The following TET2 variants were observed in gnomAD, a reference collection of about 807,000 sequenced individuals.
TET2 encodes methylcytosine dioxygenase TET2.
A neutral mutation model predicts 142.9 loss-of-function variants in TET2; 299 were observed. The ratio of observed to expected loss-of-function variants is 2.09; its 90% CI spans 1.90 to 2.30. TET2 has a LOEUF of 2.30. Ranked by LOEUF, TET2 falls within the 30% of genes most tolerant of loss-of-function variation. The probability of loss-of-function intolerance (pLI) is 0.00; values close to 1 mark genes in which losing one functional copy is unlikely to be tolerated. For missense variants in TET2, 2,418 were observed against 2,378.0 expected (o/e 1.02, Z -0.35); for synonymous variants, 819 against 849.0 (o/e 0.96, Z 0.61).
In TET2 at chr4:105,166,408, TTCA is replaced by T. The variant is rs1220487297; in HGVS notation, c.-193+19434_-193+19436del. Among the ~76,000 whole-genome samples the T allele has an allele frequency of 2.6e-5, 4 of 152,082 alleles. No homozygotes were observed. The East Asian group carries it at 5.8e-4, about 22-fold the overall frequency. On this transcript the variant is annotated intron_variant, in intron 1 of 10. Transcript: ENST00000380013. ...TATTCTTGTTGACAGAAGAAACATT[TTCA>T]TCATATCACAATTTTTTTTCAGATT...
rs1169754208 is a variant in TET2 at position 105,236,089 on chromosome 4, C to T, written c.2147C>T (p.Ser716Leu). ...QASETEPFSN[S>L]HLLQHKPHKQ... ...TCAGAGACTGAGCCATTTTCAAACT[C>T]ACACCTTTTGCAACATAAGCCTCAT... Residue 716 changes from serine to leucine, a missense_variant, in exon 3 of 11, where the codon TCA (serine) becomes TTA (leucine). Coordinates refer to ENST00000380013, the MANE Select transcript of TET2 (RefSeq NM_001127208.3). 1.2e-6 allele frequency: 2 copies of T among 1,614,126 alleles called. No homozygotes were observed. The highest frequency in any genetic ancestry group is 1.7e-6 in the Non-Finnish European group (2 of 1,179,998).
In TET2 at chr4:105,234,117, A is replaced by G. The variant is rs1382166160; in HGVS notation, c.175A>G (p.Ser59Gly). 6.2e-7 allele frequency: 1 copy of G among 1,614,050 alleles called. No individual in the cohort carries two copies. The highest frequency in any genetic ancestry group is 8.5e-7 in the Non-Finnish European group (1 of 1,180,032). The change falls in exon 3 of 11, where the codon AGT (serine) becomes GGT (glycine). Residue 59 changes from serine to glycine, a missense_variant. By Grantham distance (56) the Ser-to-Gly change is moderately conservative. Coordinates refer to ENST00000380013, the MANE Select transcript of TET2 (RefSeq NM_001127208.3). ...NGDTKWHSFK[S>G]YYGIPCMKGS... ...AGACACCAAGTGGCACTCTTTCAAA[A>G]GTTATTATGGAATACCCTGTATGAA...
chr4:105,156,883 CTGTT>C lies in TET2; in HGVS notation c.-193+9909_-193+9912del, dbSNP rs562275001. On this transcript the variant is annotated intron_variant, in intron 1 of 10. Coordinates refer to ENST00000380013, the MANE Select transcript of TET2 (RefSeq NM_001127208.3). ...TCCTGGTCTTATTAATTTTTTTAAC[CTGTT>C]TGTTCTTTTAGCACTTTTCCTGCTT... Among the ~76,000 whole-genome samples the C allele has an allele frequency of 8.0e-4, 121 of 152,198 alleles. 1 individual carries two copies. The highest frequency in any genetic ancestry group is 6.0e-3 in the Admixed American group (91 of 15,294).
At chr4:105,148,734 A>AT (rs1020678549) in intron 1 of TET2, among the ~76,000 whole-genome samples, 2 of 152,204 alleles carry the variant, frequency 1.3e-5, no homozygotes, top group African/African-American at 2.4e-5. Flanking sequence ...ATAAATATTG[A>AT]TTTTTTTAAA....
intron 1 of TET2, among the ~76,000 whole-genome samples, chr4:105,173,509 G>A (rs190147120): frequency 1.3e-5 from 2 of 152,034 alleles, no homozygotes; most frequent in African/African-American, 4.8e-5. Context: ...CTCCAGCCTG[G>A]GCAAAAGAGG....
intron 2 of TET2, among the ~76,000 whole-genome samples, chr4:105,231,684 T>C (rs989600331): frequency 5.3e-5 from 8 of 152,244 alleles, no homozygotes; most frequent in African/African-American, 1.9e-4. Flanking sequence ...AATAGCTGTT[T>C]TAATAGAGTT....
intron 3 of TET2, chr4:105,237,631 T>C: frequency 6.9e-7 from 1 of 1,442,154 alleles, no homozygotes; most frequent in Non-Finnish European, 9.1e-7. Flanking sequence ...GTATCTGTTT[T>C]AGATCAATTC....
At chr4:105,261,091 T>C (rs1057448769) in intron 7 of TET2, among the ~76,000 whole-genome samples, 9 of 151,952 alleles carry the variant, frequency 5.9e-5, no homozygotes, top group African/African-American at 1.9e-4. Flanking sequence ...TAGAGAAATA[T>C]CAATCTGAAA....
Position 105,275,720 on chromosome 4 carries a change from C to T in TET2, c.5210C>T (p.Thr1737Ile), listed in dbSNP as rs1371075754. ...ATGGATGGCCACTTCATGGGAGCCACCTCTAGATTACCACCCAATCTGAGC... is the reference window on the plus strand; with the variant it reads ...ATGGATGGCCACTTCATGGGAGCCATCTCTAGATTACCACCCAATCTGAGC... The part of the protein sequence containing the change: ...HEMDGHFMGA[T>I]SRLPPNLSNP... Residue 1737 changes from threonine to isoleucine, a missense_variant, in exon 11 of 11, where the codon ACC (threonine) becomes ATC (isoleucine). By Grantham distance (89) the Thr-to-Ile change is moderately conservative (BLOSUM62 -1). Transcript: ENST00000380013. 6.4e-7 allele frequency: 1 copy of T among 1,551,778 alleles called. No individual in the cohort carries two copies. The highest frequency in any genetic ancestry group is 1.2e-5 in the South Asian group (1 of 84,060).
chr4:105,234,191 A>G lies in TET2; in HGVS notation c.249A>G (p.Arg83=). Residue 83 remains arginine (R), a synonymous_variant, in exon 3 of 11, where the codon AGA becomes AGG. Coordinates refer to ENST00000380013, the MANE Select transcript of TET2 (RefSeq NM_001127208.3). Reference sequence around the variant, plus strand: ...GTCCTGACTTTACACAAGAAAGTAGAGGGTATTCCAAGTGTTTGCAAAATG... The same window carrying G: ...GTCCTGACTTTACACAAGAAAGTAGGGGGTATTCCAAGTGTTTGCAAAATG... ...RVSPDFTQES[R]GYSKCLQNGG... is the part of the protein sequence containing the mutation. 6.2e-7 allele frequency: 1 copy of G among 1,614,184 alleles called. No individual in the cohort carries two copies. The highest frequency in any genetic ancestry group is 8.5e-7 in the Non-Finnish European group (1 of 1,180,032).
Position 105,151,834 on chromosome 4 carries a change from G to A in TET2, c.-193+4855G>A, listed in dbSNP as rs1028946380. On this transcript the variant is annotated intron_variant, in intron 1 of 10. Coordinates refer to ENST00000380013, the MANE Select transcript of TET2 (RefSeq NM_001127208.3). ...TCATGCCTGTAATCCCAGCACTTTG[G>A]GACGACAAGGCAGGTGGATGACCTG... Among the ~76,000 whole-genome samples the A allele has an allele frequency of 7.2e-5, 11 of 152,174 alleles. No homozygotes were observed. The East Asian group carries it at 7.7e-4, about 11-fold the overall frequency.
At chr4:105,168,726 T>C (rs1166511846) in intron 1 of TET2, among the ~76,000 whole-genome samples, 1 of 152,112 alleles carries the variant, frequency 6.6e-6, no homozygotes, top group Middle Eastern at 3.2e-3. Flanking sequence ...AGTCTTTTAT[T>C]CCTCACCCCC....
At chr4:105,180,571 C>T (rs773939764) in intron 1 of TET2, among the ~76,000 whole-genome samples, 3 of 152,034 alleles carry the variant, frequency 2.0e-5, no homozygotes, top group South Asian at 2.1e-4. Flanking sequence ...CTTTCTAAAA[C>T]GTAAATATTC....
At chr4:105,182,972 C>T (rs2110456821) in intron 1 of TET2, among the ~76,000 whole-genome samples, 1 of 152,202 alleles carries the variant, frequency 6.6e-6, no homozygotes, top group East Asian at 1.9e-4. Flanking sequence ...TCATTCTTTC[C>T]ATCCATTTTG....
At chr4:105,253,779 T>C (rs2647248) in intron 6 of TET2, among the ~76,000 whole-genome samples, 81,856 of 151,920 alleles carry the variant, frequency 0.54, 22,589 homozygotes, top group African/African-American at 0.65. Context: ...TATTCTTTAT[T>C]TACATTAAAT....
At chr4:105,162,302 C>A (rs1290861278) in intron 1 of TET2, among the ~76,000 whole-genome samples, 2 of 152,120 alleles carry the variant, frequency 1.3e-5, no homozygotes, top group Non-Finnish European at 2.9e-5. Flanking sequence ...AATTCTGAAG[C>A]CTGCAGTTGT....
chr4:105,217,200 G>GA (rs942422049), intron 2 of TET2, among the ~76,000 whole-genome samples: 13 of 149,186 alleles, frequency 8.7e-5, no homozygotes, highest in Middle Eastern at 3.5e-3. Flanking sequence ...AGCTCATGGT[G>GA]AAAAAAAAAA....
rs1385471133 is a variant in TET2 at position 105,277,734 on chromosome 4, G to A, written c.*1215G>A. The A allele has an allele frequency of 4.4e-6, 1 of 227,774 alleles. No individual in the cohort carries two copies. The highest frequency in any genetic ancestry group is 8.7e-6 in the Non-Finnish European group (1 of 114,708). The allele number at this position is 227,774 out of a possible 1,614,324, so 14.1% of individuals were successfully genotyped here. ...TACAAAATTGTATGACAAGTTCATTGCTCAAAAATGTACAGTTTTAAGAAT... is the reference window on the plus strand; with the variant it reads ...TACAAAATTGTATGACAAGTTCATTACTCAAAAATGTACAGTTTTAAGAAT... On this transcript the variant is annotated 3_prime_UTR_variant, in exon 11 of 11. Coordinates refer to ENST00000380013, the MANE Select transcript of TET2 (RefSeq NM_001127208.3).
chr4:105,225,707 A>G (rs2110603509), intron 2 of TET2, among the ~76,000 whole-genome samples: 1 of 152,266 alleles, frequency 6.6e-6, no homozygotes, highest in East Asian at 1.9e-4. Flanking sequence ...TCTTTGTGTT[A>G]GCTCCATGCC....
Sources: gnomAD v4.1 joint callset for allele counts (sites outside exome capture counted in the v4.1 genomes callset) on GRCh38, gnomAD v4.1.1 for gene constraint, MANE v1.5 for transcripts, NCBI Gene and HGNC (gene_info 2026-07-23, HGNC 2026-07-21) for gene names.